The following GABRB3 variants were observed in gnomAD, a reference collection of about 807,000 sequenced individuals.
GABRB3 encodes gamma-aminobutyric acid receptor subunit beta-3.
A neutral mutation model predicts 52.1 loss-of-function variants in GABRB3; 14 were observed. The ratio of observed to expected loss-of-function variants is 0.27; its 90% confidence interval spans 0.18 to 0.42. GABRB3 has a LOEUF of 0.42. GABRB3 is among the 10% of genes least tolerant of loss of function. GABRB3 has a pLI of 1.00. For synonymous variants in GABRB3, 260 were observed against 232.3 expected (o/e 1.12, Z -1.08); for missense variants, 307 against 609.1 (o/e 0.50, Z 5.22).
At chr15:26,737,422 G>A (rs1890092952) in intron 3 of GABRB3, among the ~76,000 whole-genome samples, 2 of 152,192 alleles carry the variant, frequency 1.3e-5, no homozygotes, top group East Asian at 1.9e-4. Flanking sequence ...GCAGGACAAT[G>A]GAAAGAGACT....
intron 3 of GABRB3, chr15:26,624,993 G>C: frequency 1.0e-6 from 1 of 982,438 alleles, no homozygotes; most frequent in Non-Finnish European, 1.2e-6. Context: ...TAACTAGGAG[G>C]CAGGTATTAT....
intron 3 of GABRB3, among the ~76,000 whole-genome samples, chr15:26,693,801 G>A (rs986012785): frequency 7.9e-5 from 12 of 152,198 alleles, no homozygotes; most frequent in African/African-American, 2.4e-4. Flanking sequence ...TGTAGATGGA[G>A]CATAGCCTAC....
At chr15:26,566,263 G>C (rs1405988347) in intron 7 of GABRB3, among the ~76,000 whole-genome samples, 3 of 152,070 alleles carry the variant, frequency 2.0e-5, no homozygotes, top group African/African-American at 7.2e-5. Flanking sequence ...CTTAGGAATA[G>C]CTACCTGATT....
intron 3 of GABRB3, among the ~76,000 whole-genome samples, chr15:26,664,584 G>C (rs1202429763): frequency 6.6e-6 from 1 of 151,410 alleles, no homozygotes; most frequent in East Asian, 1.9e-4. Context: ...GTACCTCATA[G>C]TTGCATATAT....
chr15:26,624,344 G>C (rs549274449), intron 3 of GABRB3: 1 of 985,538 alleles, frequency 1.0e-6, no homozygotes, highest in Admixed American at 6.1e-5. Context: ...TATTGAAATA[G>C]AAGTTTCACT....
At chr15:26,553,052 T>C (rs2081648) in intron 8 of GABRB3, among the ~76,000 whole-genome samples, 19,501 of 152,268 alleles carry the variant, frequency 0.13, 2,418 homozygotes, top group East Asian at 0.7. Flanking sequence ...TCCAGCATCT[T>C]AAACAGTTCT....
At chr15:26,609,620 T>C (rs1231736439) in intron 4 of GABRB3, among the ~76,000 whole-genome samples, 2 of 152,156 alleles carry the variant, frequency 1.3e-5, no homozygotes, top group South Asian at 2.1e-4. Flanking sequence ...GCAGCTGCTA[T>C]ATAGTGTCAC....
chr15:26,734,753 C>A (rs112769696), intron 3 of GABRB3, among the ~76,000 whole-genome samples: 3,127 of 151,530 alleles, frequency 0.021, 104 homozygotes, highest in African/African-American at 0.073. Flanking sequence ...GCCTGGGCAA[C>A]ACAGCAAGAC....
At chr15:26,607,948 T>C (rs1023501166) in intron 4 of GABRB3, among the ~76,000 whole-genome samples, 4 of 151,992 alleles carry the variant, frequency 2.6e-5, no homozygotes, top group Non-Finnish European at 5.9e-5. Context: ...TAGTTTTCCA[T>C]AGAAACAAAA....
intron 3 of GABRB3, among the ~76,000 whole-genome samples, chr15:26,736,614 C>T (rs1459112044): frequency 6.6e-6 from 1 of 152,232 alleles, no homozygotes; most frequent in Non-Finnish European, 1.5e-5. Context: ...GGAGGCCCAG[C>T]TCCCGCAGGA....
intron 3 of GABRB3, among the ~76,000 whole-genome samples, chr15:26,649,581 C>T (rs555014539): frequency 1.5e-4 from 22 of 151,558 alleles, no homozygotes; most frequent in South Asian, 2.1e-4. Context: ...TTGTAACAGC[C>T]GCTACAGGGA....
At chr15:26,748,732 C>A (rs1292732375) in intron 3 of GABRB3, among the ~76,000 whole-genome samples, 1 of 151,936 alleles carries the variant, frequency 6.6e-6, no homozygotes, top group Non-Finnish European at 1.5e-5. Context: ...GTTCTTACAT[C>A]TGCTTGGTTT....
In GABRB3 at chr15:26,547,763, T is replaced by C. The variant is rs2140644995; in HGVS notation, c.*30A>G. The C allele has an allele frequency of 5.1e-6, 8 of 1,572,442 alleles. No individual in the cohort carries two copies. Among genetic ancestry groups the C allele is most frequent in the East Asian group, 2.2e-5 (1 of 44,670 alleles). On this transcript the variant is annotated 3_prime_UTR_variant, in exon 9 of 9. Transcript: ENST00000311550. Reference sequence around the variant, plus strand: ...GAGTAATATTTCACTCAGTGTTAAATGAAGTCTTTGAAAAATCAAGTACAG... The same window carrying C: ...GAGTAATATTTCACTCAGTGTTAAACGAAGTCTTTGAAAAATCAAGTACAG...
intron 3 of GABRB3, among the ~76,000 whole-genome samples, chr15:26,674,470 AAG>A (rs1382458067): frequency 8.6e-5 from 13 of 150,380 alleles, no homozygotes; most frequent in African/African-American, 1.5e-4. Flanking sequence ...AAGAAAAAGA[AAG>A]AAAGAAAGAG....
chr15:26,575,089 C>T (rs1890547491), intron 6 of GABRB3, among the ~76,000 whole-genome samples: 1 of 152,070 alleles, frequency 6.6e-6, no homozygotes, highest in Non-Finnish European at 1.5e-5. Context: ...GAGATTTCAC[C>T]ATTGAGCACA....
chr15:26,693,096 A>G (rs980950890), intron 3 of GABRB3, among the ~76,000 whole-genome samples: 1 of 152,228 alleles, frequency 6.6e-6, no homozygotes, highest in African/African-American at 2.4e-5. Context: ...ATGTCACAAC[A>G]GTTCCAGCTG....
chr15:26,742,625 T>C (rs149204191), intron 3 of GABRB3, among the ~76,000 whole-genome samples: 163 of 152,342 alleles, frequency 1.1e-3, no homozygotes, highest in Admixed American at 2.0e-3. Flanking sequence ...TCCCCATGTA[T>C]GAATGTGTCT....
rs1028724735 is a variant in GABRB3, at chr15:26,624,521, G to A, written c.241-2987C>T. 16 of 985,434 alleles carry A rather than the reference G, an allele frequency of 1.6e-5. No homozygotes were observed. In the African/African-American group the frequency reaches 1.9e-4, roughly 12 times the overall value. The allele number at this position is 985,434 out of a possible 1,614,324, so 61.0% of individuals were successfully genotyped here. A position where few individuals can be genotyped will look rare whatever the true frequency, so the allele number is the denominator to read the frequency against. Reference sequence around the variant, plus strand: ...GCTGTCACTCACAGCCTGACAGCTCGGGCTCCGCGTCTTATTTTGGACTGT... The same window carrying A: ...GCTGTCACTCACAGCCTGACAGCTCAGGCTCCGCGTCTTATTTTGGACTGT... On this transcript the variant is annotated intron_variant, in intron 3 of 8. Transcript: ENST00000311550.
intron 4 of GABRB3, among the ~76,000 whole-genome samples, chr15:26,618,030 G>C (rs1892327258): frequency 1.3e-5 from 2 of 152,242 alleles, no homozygotes; most frequent in Middle Eastern, 6.8e-3. Context: ...ACAAAGAAAT[G>C]GAAGAACATT....
Sources: allele counts gnomAD v4.1 joint callset (sites outside exome capture counted in the v4.1 genomes callset), GRCh38; gene constraint gnomAD v4.1.1; transcripts MANE v1.5; gene names NCBI Gene and HGNC (gene_info 2026-07-23, HGNC 2026-07-21).